The following PTPRT variants were observed in gnomAD, a reference collection of about 807,000 sequenced individuals.
PTPRT encodes receptor-type tyrosine-protein phosphatase T.
In PTPRT, 56 loss-of-function variants were observed where a neutral mutation model predicts 176.8. The ratio of observed to expected loss-of-function variants is 0.32; its 90% CI spans 0.26 to 0.40. PTPRT has a LOEUF of 0.40. Among genes scored for constraint, PTPRT ranks in the 10% least tolerant of loss-of-function variants. The probability of loss-of-function intolerance (pLI) is 1.00; values close to 1 mark genes in which losing one functional copy is unlikely to be tolerated. For missense variants in PTPRT, 1,540 were observed against 1,908.2 expected (o/e 0.81, Z 3.60); for synonymous variants, 783 against 739.0 (o/e 1.06, Z -0.96).
intron 7 of PTPRT, among the ~76,000 whole-genome samples, chr20:42,501,279 A>T (rs1319358363): frequency 1.3e-5 from 2 of 152,234 alleles, no homozygotes; most frequent in South Asian, 2.1e-4. Flanking sequence ...AAGTAACATT[A>T]CTTCATCCAT....
intron 11 of PTPRT, among the ~76,000 whole-genome samples, chr20:42,318,862 TC>T (rs1007571440): frequency 8.6e-5 from 13 of 152,020 alleles, no homozygotes; most frequent in Non-Finnish European, 1.5e-5. Flanking sequence ...TGGGACTGAA[TC>T]CCCCTCCAAG....
intron 1 of PTPRT, among the ~76,000 whole-genome samples, chr20:43,115,195 G>A (rs2013011364): frequency 6.6e-6 from 1 of 152,128 alleles, no homozygotes; most frequent in South Asian, 2.1e-4. Flanking sequence ...CTTGGGAAAA[G>A]ATGCCCAATT....
chr20:43,069,580 A>G (rs747605455), intron 1 of PTPRT, among the ~76,000 whole-genome samples: 1 of 152,238 alleles, frequency 6.6e-6, no homozygotes, highest in Non-Finnish European at 1.5e-5. Flanking sequence ...GGTAAGCACC[A>G]TGGAGGAGAA....
chr20:42,780,960 C>T (rs930070388), intron 3 of PTPRT, among the ~76,000 whole-genome samples: 3 of 152,130 alleles, frequency 2.0e-5, no homozygotes, highest in African/African-American at 4.8e-5. Flanking sequence ...GCATGGCCAA[C>T]ATCCTTGAAC....
At chr20:42,388,239 C>T (rs1208639114) in intron 9 of PTPRT, among the ~76,000 whole-genome samples, 1 of 152,148 alleles carries the variant, frequency 6.6e-6, no homozygotes, top group Non-Finnish European at 1.5e-5. Context: ...TCTGAAACAC[C>T]AAAAGCAATG....
At chr20:42,936,758 G>A (rs1489360003) in intron 1 of PTPRT, among the ~76,000 whole-genome samples, 1 of 152,190 alleles carries the variant, frequency 6.6e-6, no homozygotes, top group Non-Finnish European at 1.5e-5. Context: ...ATTTGCTGAT[G>A]GGTTAGATGT....
intron 9 of PTPRT, among the ~76,000 whole-genome samples, chr20:42,389,371 C>T (rs1462795270): frequency 1.3e-5 from 2 of 152,056 alleles, no homozygotes; most frequent in Non-Finnish European, 2.9e-5. Context: ...ATTCTTCTTT[C>T]ACAGCACACA....
chr20:43,177,338 G>A (rs2015145348), intron 1 of PTPRT, among the ~76,000 whole-genome samples: 1 of 152,198 alleles, frequency 6.6e-6, no homozygotes, highest in South Asian at 2.1e-4. Context: ...AAAATTCCTG[G>A]AACCTTTTGT....
At chr20:42,367,189 C>T (rs2058526368) in intron 9 of PTPRT, among the ~76,000 whole-genome samples, 1 of 152,156 alleles carries the variant, frequency 6.6e-6, no homozygotes, top group Admixed American at 6.5e-5. Context: ...TGCTTAGCAC[C>T]TGGGTGACCT....
At chr20:42,450,336 A>G (rs903242768) in intron 8 of PTPRT, among the ~76,000 whole-genome samples, 1 of 152,334 alleles carries the variant, frequency 6.6e-6, no homozygotes, top group Admixed American at 6.5e-5. Context: ...GAAAGTTTGT[A>G]CCATTCTGGA....
At chr20:43,077,899 A>G (rs2011321250) in intron 1 of PTPRT, among the ~76,000 whole-genome samples, 3 of 152,104 alleles carry the variant, frequency 2.0e-5, no homozygotes, top group African/African-American at 7.2e-5. Context: ...ACTGTCCACA[A>G]CCCTCACTAT....
intron 11 of PTPRT, among the ~76,000 whole-genome samples, chr20:42,333,583 C>T (rs187195011): frequency 9.9e-5 from 15 of 152,254 alleles, no homozygotes; most frequent in African/African-American, 3.4e-4. Context: ...CCACCCACCT[C>T]GCCCTCCCAA....
At chr20:42,415,103 C>A (rs2059053164) in intron 9 of PTPRT, among the ~76,000 whole-genome samples, 1 of 152,160 alleles carries the variant, frequency 6.6e-6, no homozygotes, top group South Asian at 2.1e-4. Flanking sequence ...GAGCCTAGGG[C>A]AATGGTTGGG....
intron 1 of PTPRT, among the ~76,000 whole-genome samples, chr20:43,000,521 T>A (rs1287112910): frequency 6.6e-6 from 1 of 151,674 alleles, no homozygotes; most frequent in Non-Finnish European, 1.5e-5. Flanking sequence ...ATCTAAAATA[T>A]GAAATTATAA....
chr20:43,120,432 C>T (rs908575783), intron 1 of PTPRT, among the ~76,000 whole-genome samples: 3 of 152,124 alleles, frequency 2.0e-5, no homozygotes, highest in Non-Finnish European at 4.4e-5. Flanking sequence ...CCACCACGTC[C>T]GGCTAATTGT....
At chr20:43,170,443 A>G (rs1201648104) in intron 1 of PTPRT, among the ~76,000 whole-genome samples, 1 of 152,188 alleles carries the variant, frequency 6.6e-6, no homozygotes. Flanking sequence ...TTCAGAGCCC[A>G]TCCAGATGGC....
At chr20:42,083,685 G>A (rs1983588014) in intron 29 of PTPRT, among the ~76,000 whole-genome samples, 1 of 152,180 alleles carries the variant, frequency 6.6e-6, no homozygotes, top group South Asian at 2.1e-4. Context: ...TGTTATCAGT[G>A]CCTCCACTAG....
chr20:42,946,222 G>A (rs1357219005), intron 1 of PTPRT, among the ~76,000 whole-genome samples: 2 of 152,118 alleles, frequency 1.3e-5, no homozygotes, highest in African/African-American at 4.8e-5. Context: ...TTCTGCAACA[G>A]GTGGGCAATC....
At chr20:42,341,991 G>A (rs1301407501) in intron 11 of PTPRT, among the ~76,000 whole-genome samples, 1 of 152,198 alleles carries the variant, frequency 6.6e-6, no homozygotes, top group Non-Finnish European at 1.5e-5. Context: ...GTGGAGGAAG[G>A]AGCCTTATAA....
Sources: allele counts gnomAD v4.1 joint callset (sites outside exome capture counted in the v4.1 genomes callset), GRCh38; gene constraint gnomAD v4.1.1; transcripts MANE v1.5; gene names NCBI Gene and HGNC (gene_info 2026-07-23, HGNC 2026-07-21).